Variants in ARSB observed in about 807,000 individuals in gnomAD.
ARSB encodes arylsulfatase B.
In ARSB, 41 loss-of-function variants were observed where a neutral mutation model predicts 50.9. That is an observed-to-expected ratio of 0.81 (90% CI 0.63 to 1.04). The LOEUF is 1.04. ARSB is among the 50% of genes least tolerant of loss of function. The pLI is 0.00. For synonymous variants in ARSB, 269 were observed against 284.8 expected (o/e 0.94, Z 0.56); for missense variants, 672 against 693.3 (o/e 0.97, Z 0.35).
At chr5:78,829,380 T>C (rs1007576216) in intron 6 of ARSB, among the ~76,000 whole-genome samples, 1 of 152,240 alleles carries the variant, frequency 6.6e-6, no homozygotes, top group African/African-American at 2.4e-5. Context: ...AATTTAAAGA[T>C]ATCCTTTTTG....
intron 1 of ARSB, among the ~76,000 whole-genome samples, chr5:78,978,025 A>ATTG (rs1752739437): frequency 6.6e-6 from 1 of 152,176 alleles, no homozygotes; most frequent in Admixed American, 6.5e-5. Flanking sequence ...ATTATAAAAT[A>ATTG]TTGTTGAAAG....
intron 4 of ARSB, among the ~76,000 whole-genome samples, chr5:78,908,491 G>C (rs560991391): frequency 6.6e-6 from 1 of 152,292 alleles, no homozygotes; most frequent in Non-Finnish European, 1.5e-5. Flanking sequence ...CAGGCAGCCT[G>C]GCAGACAGCT....
At chr5:78,971,978 T>C (rs1264533430) in intron 1 of ARSB, among the ~76,000 whole-genome samples, 1 of 152,238 alleles carries the variant, frequency 6.6e-6, no homozygotes, top group Non-Finnish European at 1.5e-5. Flanking sequence ...TAGACACCTA[T>C]CTACATTGGG....
At position 78,780,201 on chromosome 5, in the gene ARSB, A is replaced by G; in HGVS notation, c.*196T>C. 2 of 688,768 alleles carry G rather than the reference A, an allele frequency of 2.9e-6. No individual in the cohort carries two copies. Among genetic ancestry groups the G allele is most frequent in the South Asian group, 3.6e-5 (2 of 55,004 alleles). The allele number at this position is 688,768 out of a possible 1,614,324, so 42.7% of individuals were successfully genotyped here. On this transcript the variant is annotated 3_prime_UTR_variant, in exon 8 of 8. Transcript: ENST00000264914. Reference sequence around the variant, plus strand: ...ACCCCCACCTCTAGACACATGCTCCAGCCAACAGCAGGAGTGTTGCAGATT... The same window carrying G: ...ACCCCCACCTCTAGACACATGCTCCGGCCAACAGCAGGAGTGTTGCAGATT...
intron 4 of ARSB, among the ~76,000 whole-genome samples, chr5:78,895,447 G>C (rs943632665): frequency 2.0e-5 from 3 of 152,138 alleles, no homozygotes; most frequent in Non-Finnish European, 2.9e-5. Flanking sequence ...CATAGTTAAG[G>C]ATGGTTTAGA....
At chr5:78,808,080 G>A (rs1224281229) in intron 6 of ARSB, among the ~76,000 whole-genome samples, 13 of 101,196 alleles carry the variant, frequency 1.3e-4, no homozygotes, top group East Asian at 5.5e-4. Context: ...GCGACAGAGC[G>A]AGACTCCGTC....
chr5:78,823,839 T>C (rs776283365), intron 6 of ARSB, among the ~76,000 whole-genome samples: 12 of 152,244 alleles, frequency 7.9e-5, no homozygotes, highest in Non-Finnish European at 1.5e-4. Flanking sequence ...ATAATGTAAA[T>C]TGCTATACAA....
rs923107513 is a variant in ARSB, at chr5:78,964,868, A to G, written c.500-262T>C. Among the ~76,000 whole-genome samples, 12 of 150,888 alleles carry G rather than the reference A, an allele frequency of 8.0e-5. 1 individual carries two copies. The highest frequency in any genetic ancestry group is 5.9e-5 in the Non-Finnish European group (4 of 67,756). On this transcript the variant is annotated intron_variant, in intron 2 of 7. Coordinates refer to ENST00000264914, the MANE Select transcript of ARSB (RefSeq NM_000046.5). ...TGTAACACTAACAGTTTTTTTTTTT[A>G]TCAGAGTTGAAACTCAGTAAGGGTG...
chr5:78,848,058 ATTATTATTATTATT>A (rs1745533990), intron 5 of ARSB, among the ~76,000 whole-genome samples: 1 of 150,166 alleles, frequency 6.7e-6, no homozygotes, highest in South Asian at 2.1e-4. Flanking sequence ...TTTTTATTTT[ATTATTATTATTATT>A]TTATTATTAT....
intron 4 of ARSB, among the ~76,000 whole-genome samples, chr5:78,886,935 G>T (rs183722172): frequency 1.3e-5 from 2 of 152,260 alleles, no homozygotes; most frequent in African/African-American, 4.8e-5. Context: ...AGCACTGACT[G>T]CACTAGGAGT....
At chr5:78,892,705 A>T (rs1432565127) in intron 4 of ARSB, among the ~76,000 whole-genome samples, 1 of 152,220 alleles carries the variant, frequency 6.6e-6, no homozygotes, top group Non-Finnish European at 1.5e-5. Flanking sequence ...AGAAAAAAAC[A>T]CTATAACAAT....
chr5:78,817,955 G>C (rs1298243138), intron 6 of ARSB, among the ~76,000 whole-genome samples: 2 of 152,190 alleles, frequency 1.3e-5, no homozygotes, highest in Admixed American at 1.3e-4. Context: ...AGACCAGCCT[G>C]GCCAACATGG....
At chr5:78,865,057 G>A (rs1046314052) in intron 5 of ARSB, among the ~76,000 whole-genome samples, 4 of 152,122 alleles carry the variant, frequency 2.6e-5, no homozygotes, top group African/African-American at 9.7e-5. Context: ...AGCTGTCGTG[G>A]GTCTATCATT....
intron 5 of ARSB, among the ~76,000 whole-genome samples, chr5:78,852,460 C>T (rs1745865412): frequency 6.6e-6 from 1 of 152,180 alleles, no homozygotes; most frequent in African/African-American, 2.4e-5. Flanking sequence ...TTGTGGGTAA[C>T]CCGACCTTTC....
chr5:78,918,127 A>G (rs1466300041), intron 4 of ARSB, among the ~76,000 whole-genome samples: 1 of 152,242 alleles, frequency 6.6e-6, no homozygotes, highest in Non-Finnish European at 1.5e-5. Flanking sequence ...TGTCTTCTAA[A>G]TACAGCAACT....
intron 4 of ARSB, among the ~76,000 whole-genome samples, chr5:78,926,885 A>G (rs930265397): frequency 3.9e-5 from 6 of 152,186 alleles, no homozygotes; most frequent in Non-Finnish European, 8.8e-5. Flanking sequence ...TAAACTGTTG[A>G]AATTAATTTT....
At chr5:78,811,230 A>G (rs1202468750) in intron 6 of ARSB, among the ~76,000 whole-genome samples, 1 of 152,208 alleles carries the variant, frequency 6.6e-6, no homozygotes, top group South Asian at 2.1e-4. Flanking sequence ...CAGTGAAACA[A>G]TGGATGCTCT....
intron 5 of ARSB, among the ~76,000 whole-genome samples, chr5:78,849,841 C>G (rs1482749483): frequency 6.7e-6 from 1 of 149,278 alleles, no homozygotes; most frequent in Middle Eastern, 3.5e-3. Context: ...TGGGAGTTCA[C>G]TCATGATTTG....
At chr5:78,857,809 G>T (rs993959103) in intron 5 of ARSB, among the ~76,000 whole-genome samples, 1 of 152,104 alleles carries the variant, frequency 6.6e-6, no homozygotes, top group Non-Finnish European at 1.5e-5. Flanking sequence ...CCTCTAAACC[G>T]GTGAAGTTGG....
Sources: allele counts gnomAD v4.1 joint callset (sites outside exome capture counted in the v4.1 genomes callset), GRCh38; gene constraint gnomAD v4.1.1; transcripts MANE v1.5; gene names NCBI Gene and HGNC (gene_info 2026-07-23, HGNC 2026-07-21).